TRHR: variants seen among roughly 807,000 people sequenced by gnomAD.
TRHR encodes thyrotropin-releasing hormone receptor.
In TRHR, 14 loss-of-function variants were observed where a neutral mutation model predicts 28.0. That is an observed-to-expected ratio of 0.50 (90% CI 0.33 to 0.78). TRHR has a LOEUF of 0.78. TRHR is among the 30% of genes least tolerant of loss of function. The pLI is 0.02. For synonymous variants in TRHR, 176 were observed against 171.9 expected (o/e 1.02, Z -0.18); for missense variants, 438 against 469.5 (o/e 0.93, Z 0.62).
chr8:109,118,955 T>C, intron 2 of TRHR, 93 bp from the exon 3 acceptor site: 1 of 1,508,466 alleles, frequency 6.6e-7, no homozygotes, highest in Admixed American at 1.7e-5. Flanking sequence ...TCAGACTACA[T>C]TTTGGGAACT....
intron 2 of TRHR, among the ~76,000 whole-genome samples, chr8:109,090,508 C>A (rs1348940438): frequency 6.6e-6 from 1 of 152,044 alleles, no homozygotes; most frequent in Non-Finnish European, 1.5e-5. Context: ...AATGAAGTTC[C>A]CTTGTTGCAA....
At chr8:109,106,132 CCTT>C (rs146071576) in intron 2 of TRHR, among the ~76,000 whole-genome samples, 7,804 of 152,172 alleles carry the variant, frequency 0.051, 220 homozygotes, top group South Asian at 0.08. Flanking sequence ...CATTTTAACT[CCTT>C]ATCTCCTAAA....
intron 2 of TRHR, among the ~76,000 whole-genome samples, chr8:109,114,148 CAG>C (rs1382088502): frequency 6.6e-6 from 1 of 151,968 alleles, no homozygotes; most frequent in Non-Finnish European, 1.5e-5. Context: ...AAACATATAG[CAG>C]AGTTTGGTAT....
intron 2 of TRHR, among the ~76,000 whole-genome samples, chr8:109,094,407 GC>G (rs1400220525): frequency 1.3e-5 from 2 of 151,890 alleles, no homozygotes; most frequent in East Asian, 3.9e-4. Context: ...GCACACTGCT[GC>G]GCCCAGCTTA....
intron 2 of TRHR, among the ~76,000 whole-genome samples, chr8:109,099,965 G>A (rs1487633820): frequency 2.6e-5 from 4 of 152,182 alleles, no homozygotes; most frequent in African/African-American, 9.7e-5. Context: ...CTCAGTGAGA[G>A]AGGTGGCACA....
chr8:109,108,301 T>C (rs1811780899), intron 2 of TRHR, among the ~76,000 whole-genome samples: 1 of 152,182 alleles, frequency 6.6e-6, no homozygotes, highest in African/African-American at 2.4e-5. Flanking sequence ...TTTTAAAATA[T>C]CCCCTTTGAT....
At chr8:109,104,827 T>C (rs1811725629) in intron 2 of TRHR, among the ~76,000 whole-genome samples, 1 of 152,032 alleles carries the variant, frequency 6.6e-6, no homozygotes, top group Non-Finnish European at 1.5e-5. Context: ...TCAGTTAATA[T>C]CACATTTGGT....
chr8:109,113,682 A>T (rs1811873091), intron 2 of TRHR, among the ~76,000 whole-genome samples: 1 of 152,126 alleles, frequency 6.6e-6, no homozygotes, highest in Non-Finnish European at 1.5e-5. Flanking sequence ...TAATAGAAGG[A>T]CTTTGGTGTG....
rs1299608420 is a variant in TRHR, at chr8:109,120,066, A to G, written c.*611A>G. On this transcript the variant is annotated 3_prime_UTR_variant, in exon 3 of 3. Transcript: ENST00000518632. Reference sequence around the variant, plus strand: ...ATGATTTTTATATCTTAGAAGGTAGATAATCATCACTCAACTTTAATGTAA... The same window carrying G: ...ATGATTTTTATATCTTAGAAGGTAGGTAATCATCACTCAACTTTAATGTAA... Among the ~76,000 whole-genome samples the G allele has an allele frequency of 6.6e-6, 1 of 151,858 alleles. No homozygotes were observed.
At chr8:109,091,384 G>A (rs1017932355) in intron 2 of TRHR, among the ~76,000 whole-genome samples, 1 of 152,188 alleles carries the variant, frequency 6.6e-6, no homozygotes, top group Non-Finnish European at 1.5e-5. Context: ...TACAAAATTA[G>A]TGACCTGCTT....
intron 2 of TRHR, among the ~76,000 whole-genome samples, chr8:109,094,748 T>G (rs1811564730): frequency 6.6e-6 from 1 of 151,866 alleles, no homozygotes; most frequent in African/African-American, 2.4e-5. Context: ...TGTGTCTTTA[T>G]GAATAATTGA....
rs542771295 is a variant in TRHR at position 109,105,184 on chromosome 8, G to A, written c.790-13864G>A. ...AATTTATCCTGTGATTTTTAAAGATGAGTGCTATAAGATTTAGTGATATTA... is the reference window on the plus strand; with the variant it reads ...AATTTATCCTGTGATTTTTAAAGATAAGTGCTATAAGATTTAGTGATATTA... On this transcript the variant is annotated intron_variant, in intron 2 of 2. Coordinates refer to ENST00000518632, the MANE Select transcript of TRHR (RefSeq NM_003301.7). 2.6e-5 allele frequency among the ~76,000 whole-genome samples: 4 copies of A among 152,206 alleles called. No individual in the cohort carries two copies. The South Asian group carries it at 8.3e-4, about 32-fold the overall frequency.
intron 2 of TRHR, among the ~76,000 whole-genome samples, chr8:109,089,608 G>A (rs1171394091): frequency 6.6e-6 from 1 of 151,986 alleles, no homozygotes; most frequent in African/African-American, 2.4e-5. Context: ...ACAGAAGAAA[G>A]ACCTAAACAA....
intron 2 of TRHR, among the ~76,000 whole-genome samples, chr8:109,094,879 G>A (rs1811565904): frequency 1.3e-5 from 2 of 152,032 alleles, no homozygotes; most frequent in South Asian, 4.2e-4. Context: ...AGCTAAACTT[G>A]AAGATGACAA....
At chr8:109,091,630 A>G (rs1811517958) in intron 2 of TRHR, among the ~76,000 whole-genome samples, 1 of 152,242 alleles carries the variant, frequency 6.6e-6, no homozygotes, top group South Asian at 2.1e-4. Flanking sequence ...GAGCATTTAC[A>G]TGTAAGGGAC....
In TRHR at chr8:109,117,274, A is replaced by C. The variant is rs554239276; in HGVS notation, c.790-1774A>C. 3.3e-5 allele frequency among the ~76,000 whole-genome samples: 5 copies of C among 152,076 alleles called. No individual in the cohort carries two copies. The South Asian group carries it at 8.3e-4, about 25-fold the overall frequency. ...AGCATGACCTTTGTCTTAAGTAGACAGATTTGAATCACAGCTCTGTCACTT... is the reference window on the plus strand; with the variant it reads ...AGCATGACCTTTGTCTTAAGTAGACCGATTTGAATCACAGCTCTGTCACTT... On this transcript the variant is annotated intron_variant, in intron 2 of 2. Coordinates refer to ENST00000518632, the MANE Select transcript of TRHR (RefSeq NM_003301.7).
In TRHR at chr8:109,121,013, C is replaced by A. The variant is rs766826675; in HGVS notation, c.*1558C>A. Among the ~76,000 whole-genome samples the A allele has an allele frequency of 2.7e-5, 4 of 150,818 alleles. No homozygotes were observed. Among genetic ancestry groups the A allele is most frequent in the Non-Finnish European group, 5.9e-5 (4 of 67,700 alleles). ...TCTTCTTAATGAAGAATATACCATTCTTCTGAAACTTGTTTTTACGTGCTG... is the reference window on the plus strand; with the variant it reads ...TCTTCTTAATGAAGAATATACCATTATTCTGAAACTTGTTTTTACGTGCTG... On this transcript the variant is annotated 3_prime_UTR_variant, in exon 3 of 3. Coordinates refer to ENST00000518632, the MANE Select transcript of TRHR (RefSeq NM_003301.7).
At chr8:109,119,024 G>C in intron 2 of TRHR, 24 bp from the exon 3 acceptor site, 1 of 1,612,226 alleles carries the variant, frequency 6.2e-7, no homozygotes, top group Non-Finnish European at 8.5e-7. Context: ...TGTTTGTACA[G>C]CATTTCTCTC....
At chr8:109,088,707 C>G (rs1452981443) in intron 2 of TRHR, among the ~76,000 whole-genome samples, 3 of 152,112 alleles carry the variant, frequency 2.0e-5, no homozygotes, top group Non-Finnish European at 4.4e-5. Context: ...AAATATTTGA[C>G]AAGACAGTTT....
Sources: gnomAD v4.1 joint callset for allele counts (sites outside exome capture counted in the v4.1 genomes callset) on GRCh38, gnomAD v4.1.1 for gene constraint, MANE v1.5 for transcripts, NCBI Gene and HGNC (gene_info 2026-07-23, HGNC 2026-07-21) for gene names.